The following CNTNAP5 variants were observed in gnomAD, a reference collection of about 807,000 sequenced individuals.
CNTNAP5 encodes contactin associated protein family member 5, also known as contactin-associated protein-like 5.
A neutral mutation model predicts 150.2 loss-of-function variants in CNTNAP5; 72 were observed. The observed-to-expected ratio is 0.48, with a 90% CI of 0.40 to 0.58. The LOEUF (loss-of-function observed/expected upper bound fraction) is 0.58, where lower values mean the gene tolerates loss of function less well. CNTNAP5 is among the 20% of genes least tolerant of loss of function. CNTNAP5 has a pLI of 0.00. For synonymous variants in CNTNAP5, 672 were observed against 619.8 expected (o/e 1.08, Z -1.25); for missense variants, 1,636 against 1,626.2 (o/e 1.01, Z -0.10).
intron 6 of CNTNAP5, among the ~76,000 whole-genome samples, chr2:124,465,754 C>T (rs1370720938): frequency 1.3e-5 from 2 of 152,080 alleles, no homozygotes; most frequent in Non-Finnish European, 2.9e-5. Context: ...CAAAAGATTC[C>T]TCCCCTCATA....
chr2:124,723,992 A>C (rs1007835384), intron 13 of CNTNAP5, among the ~76,000 whole-genome samples: 1 of 151,970 alleles, frequency 6.6e-6, no homozygotes, highest in African/African-American at 2.4e-5. Flanking sequence ...TAAAAATATA[A>C]AAATTAGCTG....
At chr2:124,354,241 G>A (rs1384291855) in intron 3 of CNTNAP5, among the ~76,000 whole-genome samples, 1 of 152,118 alleles carries the variant, frequency 6.6e-6, no homozygotes, top group East Asian at 1.9e-4. Flanking sequence ...CACTGCGGAT[G>A]TTTTTAAAAA....
At chr2:124,118,321 C>A (rs1683478526) in intron 1 of CNTNAP5, among the ~76,000 whole-genome samples, 1 of 152,132 alleles carries the variant, frequency 6.6e-6, no homozygotes, top group Non-Finnish European at 1.5e-5. Flanking sequence ...CAGCACCCAC[C>A]TTGGATTGTC....
intron 4 of CNTNAP5, among the ~76,000 whole-genome samples, chr2:124,425,501 A>G (rs1444719415): frequency 2.6e-5 from 4 of 152,148 alleles, no homozygotes; most frequent in African/African-American, 9.7e-5. Flanking sequence ...TGTGGCTAAG[A>G]TTTCTGAAAC....
chr2:124,588,030 G>A (rs1696578996), intron 11 of CNTNAP5, among the ~76,000 whole-genome samples: 1 of 152,044 alleles, frequency 6.6e-6, no homozygotes, highest in Non-Finnish European at 1.5e-5. Context: ...TCTCAGGCCT[G>A]TCACGATTTA....
intron 17 of CNTNAP5, among the ~76,000 whole-genome samples, chr2:124,780,240 A>G (rs1419131865): frequency 6.6e-6 from 1 of 152,166 alleles, no homozygotes; most frequent in African/African-American, 2.4e-5. Context: ...CTTAAATAAG[A>G]ATGGCAAGCA....
chr2:124,809,108 T>TGATC (rs1682146788), intron 19 of CNTNAP5, among the ~76,000 whole-genome samples: 1 of 152,154 alleles, frequency 6.6e-6, no homozygotes. Context: ...TTTACCCATA[T>TGATC]GATCACCAGA....
intron 19 of CNTNAP5, among the ~76,000 whole-genome samples, chr2:124,825,908 C>T (rs748182064): frequency 6.6e-6 from 1 of 152,086 alleles, no homozygotes; most frequent in Non-Finnish European, 1.5e-5. Context: ...TAGAAGCTCA[C>T]AAGTGTCTGT....
At position 124,188,390 on chromosome 2, in the gene CNTNAP5, G is replaced by A. The variant is rs1056287319; in HGVS notation, c.83-33315G>A. ...AAACGTGATTCTTAAGATTATATAA[G>A]TTAACAGAAACATCTATTTATAAAA... On this transcript the variant is annotated intron_variant, in intron 1 of 23. Transcript: ENST00000682447. Among the ~76,000 whole-genome samples, 23 of 152,212 alleles carry A rather than the reference G, an allele frequency of 1.5e-4. No individual in the cohort carries two copies. In the South Asian group the frequency reaches 4.8e-3, roughly 32 times the overall value.
intron 1 of CNTNAP5, among the ~76,000 whole-genome samples, chr2:124,125,344 A>G (rs895454323): frequency 6.6e-6 from 1 of 152,224 alleles, no homozygotes; most frequent in Non-Finnish European, 1.5e-5. Flanking sequence ...AAAGGGATCA[A>G]TTCAACAAGA....
intron 1 of CNTNAP5, among the ~76,000 whole-genome samples, chr2:124,215,718 A>AC (rs1191532137): frequency 7.0e-6 from 1 of 143,444 alleles, no homozygotes; most frequent in Non-Finnish European, 1.5e-5. Flanking sequence ...AAGGCAAAAA[A>AC]AAAAAAAAAA....
chr2:124,474,717 G>C, intron 6 of CNTNAP5, 22 bp from the exon 7 acceptor site: 1 of 1,525,142 alleles, frequency 6.6e-7, no homozygotes, highest in Non-Finnish European at 8.8e-7. Flanking sequence ...CTAAGAGTTT[G>C]TTTCTATTTT....
intron 10 of CNTNAP5, among the ~76,000 whole-genome samples, chr2:124,542,193 T>C (rs1452012729): frequency 6.6e-6 from 1 of 151,266 alleles, no homozygotes; most frequent in Non-Finnish European, 1.5e-5. Flanking sequence ...GCTTGACTTT[T>C]GCAGTCTTCT....
At chr2:124,630,189 A>G (rs1218626961) in intron 12 of CNTNAP5, among the ~76,000 whole-genome samples, 1 of 152,146 alleles carries the variant, frequency 6.6e-6, no homozygotes, top group African/African-American at 2.4e-5. Flanking sequence ...ATTCCAAACA[A>G]TTGAAAAGGA....
intron 1 of CNTNAP5, among the ~76,000 whole-genome samples, chr2:124,125,629 C>T (rs1683674251): frequency 6.6e-6 from 1 of 152,206 alleles, no homozygotes; most frequent in Admixed American, 6.5e-5. Flanking sequence ...AGTACCACAT[C>T]ACACTTATTC....
At chr2:124,305,493 A>G (rs894584722) in intron 3 of CNTNAP5, among the ~76,000 whole-genome samples, 5 of 152,186 alleles carry the variant, frequency 3.3e-5, no homozygotes, top group African/African-American at 1.2e-4. Flanking sequence ...TTGCTTAGTT[A>G]TGTCATTTTT....
intron 17 of CNTNAP5, among the ~76,000 whole-genome samples, chr2:124,773,482 G>T (rs1681250700): frequency 6.6e-6 from 1 of 152,218 alleles, no homozygotes; most frequent in East Asian, 1.9e-4. Context: ...CAGTAACATG[G>T]TTGAGAAAGG....
intron 10 of CNTNAP5, among the ~76,000 whole-genome samples, chr2:124,548,591 C>G (rs1695565531): frequency 6.6e-6 from 1 of 151,724 alleles, no homozygotes; most frequent in Non-Finnish European, 1.5e-5. Context: ...CTGAGCTTAG[C>G]AATGTGCAAA....
chr2:124,096,950 T>A (rs113681029), intron 1 of CNTNAP5, among the ~76,000 whole-genome samples: 14,082 of 152,060 alleles, frequency 0.093, 771 homozygotes, highest in Non-Finnish European at 0.13. Context: ...GCAATCCACC[T>A]GCCTCAGCCT....
Sources: gnomAD v4.1 joint callset for allele counts (sites outside exome capture counted in the v4.1 genomes callset) on GRCh38, gnomAD v4.1.1 for gene constraint, MANE v1.5 for transcripts, NCBI Gene and HGNC (gene_info 2026-07-23, HGNC 2026-07-21) for gene names.